Variants in STK10 observed in about 807,000 individuals in gnomAD.
STK10 encodes the protein serine/threonine-protein kinase 10.
STK10 carries 78 observed loss-of-function variants against 113.8 expected under a neutral mutation model. The observed-to-expected ratio is 0.69, with a 90% CI of 0.57 to 0.83. The LOEUF is 0.83. Among genes scored for constraint, STK10 ranks in the 40% least tolerant of loss-of-function variants. The pLI is 0.00. For missense variants in STK10, 1,109 were observed against 1,280.1 expected, an observed-to-expected ratio of 0.87 and a Z score of 2.04; for synonymous variants, 465 against 494.7, an observed-to-expected ratio of 0.94 and a Z score of 0.80.
chr5:172,076,755 A>G (rs1768316565), intron 12 of STK10, among the ~76,000 whole-genome samples: 1 of 152,178 alleles, frequency 6.6e-6, no homozygotes, highest in Non-Finnish European at 1.5e-5. Flanking sequence ...GATGCTATAT[A>G]ACCCTAGTTC....
In STK10 at chr5:172,120,196, G is replaced by A. The variant is rs1769480394; in HGVS notation, c.371-2566C>T. On this transcript the variant is annotated intron_variant, in intron 3 of 18. Transcript: ENST00000176763. The surrounding 1 kb of genome is among the most constrained non-coding windows in gnomAD (Gnocchi z 4.0). ...CCTTGGCCTGCCAGGTTCCCAGGCT[G>A]TCGGCTTCTAAGCCTGGTCACCAAA... Among the ~76,000 whole-genome samples the A allele has an allele frequency of 6.6e-6, 1 of 152,160 alleles. No individual in the cohort carries two copies. The highest frequency in any genetic ancestry group is 6.6e-5 in the Admixed American group (1 of 15,266).
At chr5:172,161,984 C>T (rs1237340544) in intron 1 of STK10, among the ~76,000 whole-genome samples, 1 of 152,184 alleles carries the variant, frequency 6.6e-6, no homozygotes, top group African/African-American at 2.4e-5. Context: ...AGTCATTGTC[C>T]TAGAATTTAC....
In STK10 at chr5:172,117,700, C is replaced by A. The variant is rs1055567717; in HGVS notation, c.371-70G>T. On this transcript the variant is annotated intron_variant, in intron 3 of 18. Coordinates refer to ENST00000176763, the MANE Select transcript of STK10 (RefSeq NM_005990.4). ...ACAGGAAACTGAAATGTCAGGCCCA[C>A]GCCAGGGAGAAATATAAAAGCCACC... 1.9e-6 allele frequency: 3 copies of A among 1,584,650 alleles called. No individual in the cohort carries two copies. The African/African-American group carries it at 4.1e-5, about 22-fold the overall frequency.
chr5:172,117,425 C>T, intron 4 of STK10, 56 bp downstream of exon 4: 2 of 1,597,950 alleles, frequency 1.3e-6, no homozygotes, highest in Non-Finnish European at 1.7e-6. Flanking sequence ...GAGGCCAGGC[C>T]AACACCCCCA....
chr5:172,116,189 T>C (rs1009756363), intron 4 of STK10, among the ~76,000 whole-genome samples: 10 of 152,220 alleles, frequency 6.6e-5, no homozygotes, highest in African/African-American at 1.9e-4. Context: ...CAAGCGATTC[T>C]CCTGTCTCAG....
At chr5:172,151,439 C>T (rs1347939969) in intron 2 of STK10, among the ~76,000 whole-genome samples, 1 of 152,036 alleles carries the variant, frequency 6.6e-6, no homozygotes, top group African/African-American at 2.4e-5. Flanking sequence ...CTCCACCTCC[C>T]GGGTTCAAGT....
intron 18 of STK10, among the ~76,000 whole-genome samples, chr5:172,048,441 A>ACACACACACACACAC (rs1767545620): frequency 1.3e-5 from 2 of 151,598 alleles, no homozygotes; most frequent in South Asian, 4.2e-4. Context: ...ACACACACAC[A>ACACACACACACACAC]CACACACACA....
chr5:172,136,664 T>G (rs371168292), intron 2 of STK10, among the ~76,000 whole-genome samples: 1 of 152,082 alleles, frequency 6.6e-6, no homozygotes, highest in Non-Finnish European at 1.5e-5. Flanking sequence ...AGGCAGAGCA[T>G]GGCATTCCAA....
At chr5:172,058,133 C>A (rs1767848808) in intron 14 of STK10, among the ~76,000 whole-genome samples, 1 of 152,202 alleles carries the variant, frequency 6.6e-6, no homozygotes, top group Non-Finnish European at 1.5e-5. Flanking sequence ...GGGAGAATCT[C>A]ACGCCCTTCG....
intron 16 of STK10, among the ~76,000 whole-genome samples, chr5:172,055,070 T>C (rs760638393): frequency 6.6e-6 from 1 of 152,154 alleles, no homozygotes; most frequent in Non-Finnish European, 1.5e-5. Flanking sequence ...ATTGGCAACA[T>C]AGCACCAAGC....
At chr5:172,069,888 C>T (rs1348775537) in intron 12 of STK10, among the ~76,000 whole-genome samples, 1 of 152,180 alleles carries the variant, frequency 6.6e-6, no homozygotes, top group Non-Finnish European at 1.5e-5. Flanking sequence ...ACGGAACACT[C>T]AGCAACACAG....
At chr5:172,128,912 G>A (rs1008265766) in intron 2 of STK10, among the ~76,000 whole-genome samples, 1 of 152,220 alleles carries the variant, frequency 6.6e-6, no homozygotes, top group Non-Finnish European at 1.5e-5. Context: ...GAAGCCTCCA[G>A]TTTGTGGCTT....
chr5:172,052,540 A>C (rs1214959873), intron 18 of STK10, among the ~76,000 whole-genome samples: 1 of 152,186 alleles, frequency 6.6e-6, no homozygotes, highest in East Asian at 1.9e-4. Context: ...CAGCAACAGA[A>C]AACTAAATTG....
rs114855422 is a variant in STK10 at position 172,122,968 on chromosome 5, C to T, written c.370+4405G>A. 1.7e-3 allele frequency among the ~76,000 whole-genome samples: 260 copies of T among 152,324 alleles called. 1 individual carries two copies. The highest frequency in any genetic ancestry group is 6.2e-3 in the African/African-American group (257 of 41,582). ...GCCAGCAAGGCATGGCCAACCATAT[C>T]TATTCCAATCAGAACAGGCCCTGGA... On this transcript the variant is annotated intron_variant, in intron 3 of 18. Transcript: ENST00000176763.
chr5:172,076,699 T>G (rs1365985828), intron 12 of STK10, among the ~76,000 whole-genome samples: 1 of 152,210 alleles, frequency 6.6e-6, no homozygotes, highest in Admixed American at 6.5e-5. Flanking sequence ...AATATTTAAA[T>G]CTTATTTGTG....
chr5:172,045,718 T>C (rs1352133920), intron 18 of STK10, among the ~76,000 whole-genome samples: 1 of 151,958 alleles, frequency 6.6e-6, no homozygotes, highest in East Asian at 1.9e-4. Context: ...GAGACAGAGT[T>C]TTGCTCTGTC....
At chr5:172,130,962 C>T (rs1769742358) in intron 2 of STK10, among the ~76,000 whole-genome samples, 1 of 151,906 alleles carries the variant, frequency 6.6e-6, no homozygotes, top group Non-Finnish European at 1.5e-5. Context: ...GAAATGTCTT[C>T]CCAGAACTAC....
intron 2 of STK10, among the ~76,000 whole-genome samples, chr5:172,147,118 T>A (rs1770102664): frequency 6.6e-6 from 1 of 152,206 alleles, no homozygotes; most frequent in Admixed American, 6.5e-5. Flanking sequence ...GTTTACTGAT[T>A]CATTATAGAA....
intron 16 of STK10, among the ~76,000 whole-genome samples, chr5:172,055,290 C>T (rs1207588898): frequency 6.6e-6 from 1 of 152,102 alleles, no homozygotes; most frequent in Non-Finnish European, 1.5e-5. Flanking sequence ...ACCTCTGCCT[C>T]CCGGGCTCAA....
Sources: allele counts gnomAD v4.1 joint callset (sites outside exome capture counted in the v4.1 genomes callset), GRCh38; gene constraint gnomAD v4.1.1; non-coding constraint Gnocchi (gnomAD v3.1); transcripts MANE v1.5; gene names NCBI Gene and HGNC (gene_info 2026-07-23, HGNC 2026-07-21).